Variants in GBP7 observed in about 807,000 individuals in gnomAD.
GBP7 encodes the protein guanylate-binding protein 7.
GBP7 carries 43 observed loss-of-function variants against 61.3 expected under a neutral mutation model. The ratio of observed to expected loss-of-function variants is 0.70; its 90% CI spans 0.55 to 0.91. The LOEUF (loss-of-function observed/expected upper bound fraction) is 0.91, where lower values mean the gene tolerates loss of function less well. Among genes scored for constraint, GBP7 ranks in the 40% least tolerant of loss-of-function variants. The pLI, the probability that GBP7 is intolerant of heterozygous loss-of-function variation, is 0.00. For synonymous variants in GBP7, 267 were observed against 271.0 expected (o/e 0.99, Z 0.14); for missense variants, 717 against 740.5 (o/e 0.97, Z 0.37).
intron 9 of GBP7, 42 bp downstream of exon 9, chr1:89,141,504 G>C (rs2100640013): frequency 6.4e-7 from 1 of 1,550,582 alleles, no homozygotes; most frequent in South Asian, 1.1e-5. Flanking sequence ...AGTGTTGCAA[G>C]AACCTACCCA....
rs777165739 is a variant in GBP7, at chr1:89,132,454, C to T, written c.1663-51G>A. ...TGAAAATCCCCAATTTTTAAGAGACCGAGGTTTGTATTTAACAATTTCATT... is the reference window on the plus strand; with the variant it reads ...TGAAAATCCCCAATTTTTAAGAGACTGAGGTTTGTATTTAACAATTTCATT... On this transcript the variant is annotated intron_variant, in intron 10 of 10. Transcript: ENST00000294671. 19 of 1,392,384 alleles carry T rather than the reference C, an allele frequency of 1.4e-5. 1 individual carries two copies. The highest frequency in any genetic ancestry group is 1.1e-4 in the South Asian group (8 of 75,766). 86.3% of individuals were successfully genotyped at this position (1,392,384 alleles called of 1,614,324 possible). A position where few individuals can be genotyped will look rare whatever the true frequency, so the allele number is the denominator to read the frequency against.
rs1192644957 is a variant in GBP7, at chr1:89,164,719, T to A, written c.318+12A>T. The A allele has an allele frequency of 6.2e-7, 1 of 1,612,976 alleles. No individual in the cohort carries two copies. The highest frequency in any genetic ancestry group is 1.1e-5 in the South Asian group (1 of 91,062). ...CAAAGGTAAAGAAGATTTCTCTATG[T>A]CTCTTTCTTACCTTTTCCATATCAC... On this transcript the variant is annotated intron_variant, in intron 3 of 10. Coordinates refer to ENST00000294671, the MANE Select transcript of GBP7 (RefSeq NM_207398.3).
intron 2 of GBP7, among the ~76,000 whole-genome samples, chr1:89,171,112 A>G (rs929328854): frequency 1.8e-4 from 27 of 152,346 alleles, no homozygotes; most frequent in African/African-American, 6.0e-4. Flanking sequence ...ATTCCTGAAT[A>G]TATTCATTTC....
At chr1:89,162,059 G>A (rs1299226243) in intron 3 of GBP7, among the ~76,000 whole-genome samples, 1 of 147,014 alleles carries the variant, frequency 6.8e-6, no homozygotes, top group Non-Finnish European at 1.5e-5. Flanking sequence ...TTTTTTTCAG[G>A]TTTGTCAAAG....
chr1:89,156,659 A>G (rs1682322225), intron 3 of GBP7, among the ~76,000 whole-genome samples: 1 of 152,242 alleles, frequency 6.6e-6, no homozygotes, highest in Non-Finnish European at 1.5e-5. Flanking sequence ...AGAGCTAACT[A>G]TCCTAAATAT....
chr1:89,146,750 TCA>T (rs1682074705), intron 8 of GBP7, among the ~76,000 whole-genome samples: 1 of 152,198 alleles, frequency 6.6e-6, no homozygotes, highest in South Asian at 2.1e-4. Flanking sequence ...AGATATCACC[TCA>T]CACAGAATGA....
chr1:89,166,214 A>G lies in GBP7; in HGVS notation c.191-1356T>C, dbSNP rs376890699. Among the ~76,000 whole-genome samples the G allele has an allele frequency of 3.7e-4, 56 of 152,354 alleles. 6 individuals are homozygous for G. Among genetic ancestry groups the G allele is most frequent in the Admixed American group, 9.1e-4 (14 of 15,304 alleles). On this transcript the variant is annotated intron_variant, in intron 2 of 10. Transcript: ENST00000294671. ...GTAAAATTAGAGAGAGGGCTGATAC[A>G]AGAGGTCCGGGTACTGGGTTCATCT...
chr1:89,150,083 C>T (rs897915449), intron 6 of GBP7, among the ~76,000 whole-genome samples: 2 of 152,156 alleles, frequency 1.3e-5, no homozygotes, highest in East Asian at 1.9e-4. Context: ...TATAAGATTA[C>T]GCTGAATTTT....
chr1:89,151,647 C>G (rs1252938373), intron 5 of GBP7, among the ~76,000 whole-genome samples: 1 of 151,892 alleles, frequency 6.6e-6, no homozygotes, highest in East Asian at 1.9e-4. Flanking sequence ...AATAGATTGA[C>G]AACATATTAT....
intron 3 of GBP7, among the ~76,000 whole-genome samples, chr1:89,160,943 A>G (rs1216071501): frequency 6.6e-6 from 1 of 151,534 alleles, no homozygotes; most frequent in African/African-American, 2.4e-5. Context: ...CCCATTATCC[A>G]CCCTCAGATA....
At chr1:89,142,266 T>A (rs1160683623) in intron 8 of GBP7, among the ~76,000 whole-genome samples, 1 of 152,190 alleles carries the variant, frequency 6.6e-6, no homozygotes, top group African/African-American at 2.4e-5. Context: ...GAGAAACTTT[T>A]TTTTCTCTTT....
At chr1:89,135,798 A>G (rs957090591) in intron 9 of GBP7, among the ~76,000 whole-genome samples, 2 of 151,916 alleles carry the variant, frequency 1.3e-5, no homozygotes, top group Non-Finnish European at 2.9e-5. Context: ...GTGTGGATCA[A>G]ATCCACACAT....
At chr1:89,147,827 G>T (rs1682104113) in intron 7 of GBP7, 48 bp from the exon 8 acceptor site, 1 of 1,590,332 alleles carries the variant, frequency 6.3e-7, no homozygotes, top group Non-Finnish European at 8.6e-7. Flanking sequence ...CTGTTAGAAG[G>T]GAAGGTCCAA....
At chr1:89,145,644 A>G (rs1160327549) in intron 8 of GBP7, among the ~76,000 whole-genome samples, 2 of 152,212 alleles carry the variant, frequency 1.3e-5, no homozygotes, top group Non-Finnish European at 2.9e-5. Context: ...AGGATACAAA[A>G]TTAGCATACA....
chr1:89,140,768 A>C (rs577716604), intron 9 of GBP7, among the ~76,000 whole-genome samples: 43 of 152,336 alleles, frequency 2.8e-4, no homozygotes, highest in African/African-American at 1.0e-3. Context: ...TCGGTGCACT[A>C]TTTCCAATAC....
Position 89,171,905 on chromosome 1 carries a change from C to G in GBP7, c.31G>C (p.Val11Leu), listed in dbSNP as rs1274150585. 2.5e-6 allele frequency: 4 copies of G among 1,613,104 alleles called. No individual in the cohort carries two copies. In the African/African-American group the frequency reaches 5.3e-5, roughly 22 times the overall value. ...CCTTTAGTGTTCTCAGTGAGGCACA[C>G]TGGGCCTGGCATGTGGATCTCTGAT... is the stretch of plus-strand genomic sequence containing the variant. MASEIHMPGP[V>L]CLTENTKGHL... Residue 11 changes from valine to leucine, a missense_variant, in exon 2 of 11, where the codon GTG becomes CTG. Around this residue, in one of 3 missense-constraint regions of GBP7, gnomAD observed 387 missense variants for 385.2 expected, o/e 1.00. Transcript: ENST00000294671.
intron 3 of GBP7, among the ~76,000 whole-genome samples, chr1:89,153,445 G>C (rs573004502): frequency 9.8e-5 from 15 of 152,344 alleles, no homozygotes; most frequent in Middle Eastern, 3.4e-3. Context: ...AATATTTAAT[G>C]CAGTGCCTAC....
intron 4 of GBP7, 78 bp downstream of exon 4, chr1:89,152,590 A>C (rs1682228709): frequency 6.6e-7 from 1 of 1,513,036 alleles, no homozygotes; most frequent in Non-Finnish European, 9.1e-7. Flanking sequence ...CAACTGAGTC[A>C]CAACAAAGAA....
At chr1:89,155,282 T>C (rs974757761) in intron 3 of GBP7, among the ~76,000 whole-genome samples, 2 of 152,076 alleles carry the variant, frequency 1.3e-5, no homozygotes, top group African/African-American at 4.8e-5. Flanking sequence ...ATTCTAAAAA[T>C]CAGAGCACCC....
Sources: allele counts gnomAD v4.1 joint callset (sites outside exome capture counted in the v4.1 genomes callset), GRCh38; gene constraint gnomAD v4.1.1; regional missense constraint gnomAD v4.1.1; transcripts MANE v1.5; gene names NCBI Gene and HGNC (gene_info 2026-07-23, HGNC 2026-07-21).